The following AKAP6 variants were observed in gnomAD, a reference collection of about 807,000 sequenced individuals.
AKAP6 encodes A-kinase anchoring protein 6.
In AKAP6, 58 loss-of-function variants were observed where a neutral mutation model predicts 188.5. The observed-to-expected ratio is 0.31, with a 90% CI of 0.25 to 0.38. The LOEUF (loss-of-function observed/expected upper bound fraction) is 0.38. AKAP6 is among the 10% of genes least tolerant of loss of function. The probability of loss-of-function intolerance (pLI) is 1.00; values close to 1 mark genes in which losing one functional copy is unlikely to be tolerated. For synonymous variants in AKAP6, 989 were observed against 998.6 expected (o/e 0.99, Z 0.18); for missense variants, 2,710 against 2,740.0 (o/e 0.99, Z 0.24).
chr14:32,755,494 C>T (rs530045090), intron 11 of AKAP6, among the ~76,000 whole-genome samples: 1 of 149,998 alleles, frequency 6.7e-6, no homozygotes, highest in African/African-American at 2.5e-5. Flanking sequence ...TCTCTTGTAG[C>T]CCACTGAGAT....
intron 12 of AKAP6, among the ~76,000 whole-genome samples, chr14:32,816,667 G>T: frequency 6.6e-6 from 1 of 152,100 alleles, no homozygotes; most frequent in East Asian, 1.9e-4. Context: ...CTATACTGAG[G>T]TATATGTTAT....
chr14:32,471,858 A>T (rs78654020), intron 2 of AKAP6, among the ~76,000 whole-genome samples: 1 of 152,176 alleles, frequency 6.6e-6, no homozygotes, highest in Non-Finnish European at 1.5e-5. Context: ...AGCACAGATA[A>T]CGCAGCGTGT....
chr14:32,697,605 AG>A (rs1396196004), intron 9 of AKAP6, among the ~76,000 whole-genome samples: 1 of 152,336 alleles, frequency 6.6e-6, no homozygotes, highest in African/African-American at 2.4e-5. Flanking sequence ...AAAATATAAA[AG>A]GTTACCTAAC....
At position 32,559,776 on chromosome 14, in the gene AKAP6, G is replaced by A. The variant is rs370481567; in HGVS notation, c.2346+12777G>A. Reference sequence around the variant, plus strand: ...TTGCGGTTGGGAGGTAGTCCTCTAAGCCTAATCTTTTTTTTTTTTTTTTTT... The same window carrying A: ...TTGCGGTTGGGAGGTAGTCCTCTAAACCTAATCTTTTTTTTTTTTTTTTTT... On this transcript the variant is annotated intron_variant, in intron 4 of 13. Coordinates refer to ENST00000280979, the MANE Select transcript of AKAP6 (RefSeq NM_004274.5). Among the ~76,000 whole-genome samples, 162 of 146,492 alleles carry A rather than the reference G, an allele frequency of 1.1e-3. 3 individuals carry two copies. In the East Asian group the frequency reaches 0.028, roughly 25 times the overall value.
At chr14:32,487,734 C>T (rs1278564857) in intron 2 of AKAP6, among the ~76,000 whole-genome samples, 1 of 152,194 alleles carries the variant, frequency 6.6e-6, no homozygotes, top group Non-Finnish European at 1.5e-5. Context: ...TCTGTGTGGT[C>T]ATCCTTTTAG....
intron 11 of AKAP6, among the ~76,000 whole-genome samples, chr14:32,750,119 G>A (rs1383815555): frequency 1.3e-5 from 2 of 152,054 alleles, no homozygotes; most frequent in Non-Finnish European, 2.9e-5. Context: ...ATACCACAAA[G>A]CTTATATTAT....
rs539924485 is a variant in AKAP6, at chr14:32,419,490, C to T, written c.-34-13970C>T. 5.3e-5 allele frequency among the ~76,000 whole-genome samples: 8 copies of T among 152,190 alleles called. No individual in the cohort carries two copies. The East Asian group carries it at 1.5e-3, about 29-fold the overall frequency. ...TGTTCTCATGTTGCAGTATGAACAG[C>T]AAAAACAAATGTAATATTAGCTGAC... On this transcript the variant is annotated intron_variant, in intron 1 of 13. Coordinates refer to ENST00000280979, the MANE Select transcript of AKAP6 (RefSeq NM_004274.5).
At position 32,823,430 on chromosome 14, in the gene AKAP6, G is replaced by A; in HGVS notation, c.5617G>A (p.Gly1873Arg). 1 of 1,613,532 alleles carries A rather than the reference G, an allele frequency of 6.2e-7. No homozygotes were observed. The highest frequency in any genetic ancestry group is 1.7e-5 in the Admixed American group (1 of 59,878). Residue 1873 changes from glycine (G) to arginine (R), a missense_variant, in exon 13 of 14, where the codon GGG (glycine) becomes AGG (arginine). Transcript: ENST00000280979. ...GAATTCATCTCATACCCATGAGTTA[G>A]GGACAAAGCGTGAAAATAAGAAAAC... Reference protein sequence around the residue: ...GKNSSHTHELGTKRENKKTIF... With the variant: ...GKNSSHTHELRTKRENKKTIF...
intron 4 of AKAP6, among the ~76,000 whole-genome samples, chr14:32,554,597 T>TG (rs1434108524): frequency 1.3e-5 from 2 of 152,188 alleles, no homozygotes; most frequent in African/African-American, 2.4e-5. Flanking sequence ...TAATCACATA[T>TG]GCAAATAAAA....
At chr14:32,503,465 C>A (rs1880705231) in intron 2 of AKAP6, among the ~76,000 whole-genome samples, 1 of 151,722 alleles carries the variant, frequency 6.6e-6, no homozygotes, top group Non-Finnish European at 1.5e-5. Context: ...TTTAATGGCC[C>A]TGGATTTTGA....
chr14:32,521,231 T>C (rs11156751), intron 2 of AKAP6, among the ~76,000 whole-genome samples: 41,067 of 151,934 alleles, frequency 0.27, 5,941 homozygotes, highest in East Asian at 0.37. Flanking sequence ...GCCAATATCA[T>C]ACTGAATGGG....
intron 9 of AKAP6, among the ~76,000 whole-genome samples, chr14:32,715,441 A>G (rs112007578): frequency 8.2e-5 from 12 of 145,542 alleles, no homozygotes; most frequent in African/African-American, 2.5e-4. Flanking sequence ...ATCTACTTAG[A>G]AAAGCAAAAC....
intron 9 of AKAP6, among the ~76,000 whole-genome samples, chr14:32,708,413 G>C (rs1418334340): frequency 1.3e-5 from 2 of 151,206 alleles, no homozygotes; most frequent in African/African-American, 4.9e-5. Flanking sequence ...GAGAGAGAGA[G>C]AGAATGAGCA....
intron 2 of AKAP6, among the ~76,000 whole-genome samples, chr14:32,451,675 AAC>A (rs1306205369): frequency 6.6e-6 from 1 of 152,232 alleles, no homozygotes; most frequent in Admixed American, 6.5e-5. Context: ...ATTATAAAAT[AAC>A]ACATAAAATA....
At chr14:32,512,213 A>C (rs1199455122) in intron 2 of AKAP6, among the ~76,000 whole-genome samples, 1 of 152,090 alleles carries the variant, frequency 6.6e-6, no homozygotes, top group Non-Finnish European at 1.5e-5. Context: ...GTTGATATTT[A>C]TATTTACTCA....
intron 3 of AKAP6, among the ~76,000 whole-genome samples, chr14:32,543,374 T>A (rs1185278303): frequency 6.6e-6 from 1 of 152,226 alleles, no homozygotes; most frequent in Admixed American, 6.5e-5. Context: ...AATGACAGGA[T>A]TTCCTTCTTT....
At chr14:32,548,922 T>TA (rs1883328905) in intron 4 of AKAP6, among the ~76,000 whole-genome samples, 1 of 152,206 alleles carries the variant, frequency 6.6e-6, no homozygotes, top group Non-Finnish European at 1.5e-5. Context: ...TTGTTTTTTT[T>TA]ACATCCATTC....
At chr14:32,592,125 C>T (rs898299064) in intron 5 of AKAP6, among the ~76,000 whole-genome samples, 2 of 152,158 alleles carry the variant, frequency 1.3e-5, no homozygotes, top group African/African-American at 4.8e-5. Flanking sequence ...ATGCCACAAG[C>T]TGTTTAAAAG....
At chr14:32,407,926 A>G (rs1194273439) in intron 1 of AKAP6, among the ~76,000 whole-genome samples, 1 of 152,216 alleles carries the variant, frequency 6.6e-6, no homozygotes, top group African/African-American at 2.4e-5. Flanking sequence ...ATCCTACGGC[A>G]CAGCAAAGAG....
Sources: allele counts gnomAD v4.1 joint callset (sites outside exome capture counted in the v4.1 genomes callset), GRCh38; gene constraint gnomAD v4.1.1; transcripts MANE v1.5; gene names NCBI Gene and HGNC (gene_info 2026-07-23, HGNC 2026-07-21).